The following EMP1 variants were observed in gnomAD, a reference collection of about 807,000 sequenced individuals.
EMP1 encodes the protein epithelial membrane protein 1.
A neutral mutation model predicts 15.7 loss-of-function variants in EMP1; 5 were observed. The observed-to-expected ratio is 0.32, with a 90% CI of 0.17 to 0.67. EMP1 has a LOEUF of 0.67. Among genes scored for constraint, EMP1 ranks in the 30% least tolerant of loss-of-function variants. The probability of loss-of-function intolerance (pLI) is 0.74; values close to 1 mark genes in which losing one functional copy is unlikely to be tolerated. For missense variants in EMP1, 166 were observed against 194.2 expected (o/e 0.85, Z 0.86); for synonymous variants, 78 against 76.7 (o/e 1.02, Z -0.09).
In EMP1 at chr12:13,211,862, C is replaced by A; in HGVS notation, c.78+274C>A. ...TCGGTCTCTAGAAGAGCCTTCCCAG[C>A]AGCAGGGGTGAGTGGAGCTTGAGGT... On this transcript the variant is annotated intron_variant, in intron 2 of 4. Coordinates refer to ENST00000256951, the MANE Select transcript of EMP1 (RefSeq NM_001423.3). This position sits in a 1 kb window ranked among gnomAD's most constrained non-coding sequence, Gnocchi z 4.7. The A allele has an allele frequency of 2.3e-6, 1 of 434,068 alleles. No homozygotes were observed. The highest frequency in any genetic ancestry group is 4.1e-6 in the Non-Finnish European group (1 of 241,734). The allele number at this position is 434,068 out of a possible 1,614,324, so 26.9% of individuals were successfully genotyped here.
At position 13,215,392 on chromosome 12, in the gene EMP1, G is replaced by A. The variant is rs1019512970; in HGVS notation, c.*701G>A. ...CTCACACACGGCTGTCCCTCATGGA[G>A]ACCTCATGCCATGGTCTTTGCTAGG... is the stretch of plus-strand genomic sequence containing the variant. On this transcript the variant is annotated 3_prime_UTR_variant, in exon 5 of 5. Coordinates refer to ENST00000256951, the MANE Select transcript of EMP1 (RefSeq NM_001423.3). The A allele has an allele frequency of 2.6e-5, 4 of 152,378 alleles. No individual in the cohort carries two copies. The highest frequency in any genetic ancestry group is 7.2e-5 in the African/African-American group (3 of 41,470). The allele number at this position is 152,378 out of a possible 1,614,324, so 9.4% of individuals were successfully genotyped here.
chr12:13,210,873 C>G (rs1397754600), intron 1 of EMP1, among the ~76,000 whole-genome samples: 1 of 152,194 alleles, frequency 6.6e-6, no homozygotes, highest in African/African-American at 2.4e-5. Flanking sequence ...TTATTGAAAA[C>G]CAAACAGCAT....
chr12:13,213,830 C>T lies in EMP1; in HGVS notation c.316+9C>T. On this transcript the variant is annotated intron_variant, in intron 4 of 4. Coordinates refer to ENST00000256951, the MANE Select transcript of EMP1 (RefSeq NM_001423.3). Reference sequence around the variant, plus strand: ...CACCACACTGGTGTGCTGTGAGTATCTCATGGGTAGACTCCAGTTTACACT... The same window carrying T: ...CACCACACTGGTGTGCTGTGAGTATTTCATGGGTAGACTCCAGTTTACACT... 1 of 1,613,504 alleles carries T rather than the reference C, an allele frequency of 6.2e-7. No individual in the cohort carries two copies. The highest frequency in any genetic ancestry group is 8.5e-7 in the Non-Finnish European group (1 of 1,180,034).
intron 1 of EMP1, among the ~76,000 whole-genome samples, chr12:13,208,116 C>T (rs1038845472): frequency 2.0e-5 from 3 of 152,184 alleles, no homozygotes; most frequent in Non-Finnish European, 4.4e-5. Context: ...TAGTGAAACA[C>T]ACTGCTAAGA....
At chr12:13,210,571 C>T (rs1200634950) in intron 1 of EMP1, among the ~76,000 whole-genome samples, 2 of 152,220 alleles carry the variant, frequency 1.3e-5, no homozygotes, top group Non-Finnish European at 2.9e-5. Context: ...ATCCTCCCAC[C>T]CTGTGATTTA....
chr12:13,211,836 T>G lies in EMP1; in HGVS notation c.78+248T>G. On this transcript the variant is annotated intron_variant, in intron 2 of 4. Coordinates refer to ENST00000256951, the MANE Select transcript of EMP1 (RefSeq NM_001423.3). The surrounding 1 kb of genome is among the most constrained non-coding windows in gnomAD (Gnocchi z 4.7). ...GGGCTGGAGGATCTAGTGCAGCTTC[T>G]TCGGTCTCTAGAAGAGCCTTCCCAG... is the stretch of plus-strand genomic sequence containing the variant. 2 of 502,342 alleles carry G rather than the reference T, an allele frequency of 4.0e-6. No homozygotes were observed. Among genetic ancestry groups the G allele is most frequent in the South Asian group, 4.8e-5 (2 of 41,772 alleles). 31.1% of individuals were successfully genotyped at this position (502,342 alleles called of 1,614,324 possible).
chr12:13,210,130 G>A (rs1864151620), intron 1 of EMP1, among the ~76,000 whole-genome samples: 1 of 152,214 alleles, frequency 6.6e-6, no homozygotes, highest in African/African-American at 2.4e-5. Context: ...TAAAAGGCAT[G>A]TGAAGTGTTG....
chr12:13,202,715 A>T (rs1864076819), intron 1 of EMP1, among the ~76,000 whole-genome samples: 1 of 152,168 alleles, frequency 6.6e-6, no homozygotes, highest in Admixed American at 6.5e-5. Flanking sequence ...CAGCAAAACG[A>T]CAGGGAGAAG....
chr12:13,210,241 C>A (rs1248916849), intron 1 of EMP1, among the ~76,000 whole-genome samples: 1 of 152,200 alleles, frequency 6.6e-6, no homozygotes, highest in Non-Finnish European at 1.5e-5. Flanking sequence ...TGAGAGAGGG[C>A]AGTGGAACAA....
chr12:13,202,593 G>C (rs1864075741), intron 1 of EMP1, among the ~76,000 whole-genome samples: 1 of 152,138 alleles, frequency 6.6e-6, no homozygotes, highest in Non-Finnish European at 1.5e-5. Flanking sequence ...TCCATGTCTG[G>C]GTGGGGTGGG....
rs1255339558 is a variant in EMP1 at position 13,215,109 on chromosome 12, A to T, written c.*418A>T. ...AAGAGCAGATACTGTCTTTGTGCTG[A>T]ATACGCTAAGCCTGGAAGCCATCCT... On this transcript the variant is annotated 3_prime_UTR_variant, in exon 5 of 5. Coordinates refer to ENST00000256951, the MANE Select transcript of EMP1 (RefSeq NM_001423.3). The T allele has an allele frequency of 5.6e-6, 1 of 179,176 alleles. No individual in the cohort carries two copies. The highest frequency in any genetic ancestry group is 1.2e-5 in the Non-Finnish European group (1 of 84,172). The allele number at this position is 179,176 out of a possible 1,614,324, so 11.1% of individuals were successfully genotyped here.
At chr12:13,207,252 C>T (rs1247937231) in intron 1 of EMP1, among the ~76,000 whole-genome samples, 2 of 152,152 alleles carry the variant, frequency 1.3e-5, no homozygotes, top group Non-Finnish European at 2.9e-5. Context: ...GCTGGGACTA[C>T]AGGTGTGCAC....
At position 13,216,631 on chromosome 12, in the gene EMP1, G is replaced by A. The variant is rs1449566660; in HGVS notation, c.*1940G>A. 3 of 603,354 alleles carry A rather than the reference G, an allele frequency of 5.0e-6. No homozygotes were observed. Among genetic ancestry groups the A allele is most frequent in the Non-Finnish European group, 5.9e-6 (2 of 340,988 alleles). 37.4% of individuals were successfully genotyped at this position (603,354 alleles called of 1,614,324 possible). ...TTTTTCTGTGACATTTATGTCTCAT[G>A]TAATTTGCATTACTCTGGTGGATTG... On this transcript the variant is annotated 3_prime_UTR_variant, in exon 5 of 5. Transcript: ENST00000256951.
chr12:13,205,010 G>A (rs1342278661), intron 1 of EMP1, among the ~76,000 whole-genome samples: 3 of 152,186 alleles, frequency 2.0e-5, no homozygotes, highest in African/African-American at 7.2e-5. Context: ...AAAAGTCATG[G>A]TGGTCGTTGC....
chr12:13,217,128 A>G lies in EMP1; in HGVS notation c.*2437A>G, dbSNP rs1864222324. 6.6e-6 allele frequency: 1 copy of G among 152,282 alleles called. No homozygotes were observed. Among genetic ancestry groups the G allele is most frequent in the Non-Finnish European group, 1.5e-5 (1 of 68,078 alleles). The allele number at this position is 152,282 out of a possible 1,614,324, so 9.4% of individuals were successfully genotyped here. A position where few individuals can be genotyped will look rare whatever the true frequency, so the allele number is the denominator to read the frequency against. ...AGCCAGCTCCTCTAATGTGTCTTCA[A>G]AATATAAAGTGATTCACAAAGGCAT... On this transcript the variant is annotated 3_prime_UTR_variant, in exon 5 of 5. Coordinates refer to ENST00000256951, the MANE Select transcript of EMP1 (RefSeq NM_001423.3).
chr12:13,213,957 T>C, intron 4 of EMP1, 136 bp downstream of exon 4: 2 of 1,298,882 alleles, frequency 1.5e-6, no homozygotes, highest in Non-Finnish European at 2.2e-6. Flanking sequence ...TTATTTGTTC[T>C]CTTGTGGAGA....
At chr12:13,205,622 T>G (rs2121151030) in intron 1 of EMP1, among the ~76,000 whole-genome samples, 1 of 152,356 alleles carries the variant, frequency 6.6e-6, no homozygotes, top group East Asian at 1.9e-4. Context: ...ATTTGTTCAT[T>G]GAACAGATAT....
chr12:13,201,358 T>C (rs1440109131), intron 1 of EMP1, among the ~76,000 whole-genome samples: 1 of 152,058 alleles, frequency 6.6e-6, no homozygotes, highest in Non-Finnish European at 1.5e-5. Flanking sequence ...TAGTCAGCTA[T>C]GATTGTACCA....
chr12:13,202,778 A>G (rs557022292), intron 1 of EMP1, among the ~76,000 whole-genome samples: 1 of 152,156 alleles, frequency 6.6e-6, no homozygotes, highest in Non-Finnish European at 1.5e-5. Context: ...TTTAAGGGGT[A>G]TATGCTGACT....
Sources: gnomAD v4.1 joint callset for allele counts (sites outside exome capture counted in the v4.1 genomes callset) on GRCh38, gnomAD v4.1.1 for gene constraint, Gnocchi (gnomAD v3.1) non-coding constraint, MANE v1.5 for transcripts, NCBI Gene and HGNC (gene_info 2026-07-23, HGNC 2026-07-21) for gene names.